LMTK2: variants seen among roughly 807,000 people sequenced by gnomAD.
LMTK2 encodes serine/threonine-protein kinase LMTK2.
In LMTK2, 37 loss-of-function variants were observed where a neutral mutation model predicts 127.5. The observed-to-expected ratio is 0.29, with a 90% confidence interval of 0.22 to 0.38. LMTK2 has a LOEUF of 0.38. LMTK2 is among the 10% of genes least tolerant of loss of function. The pLI, the probability that LMTK2 is intolerant of heterozygous loss-of-function variation, is 1.00. For missense variants in LMTK2, 1,694 were observed against 1,920.3 expected (o/e 0.88, Z 2.20); for synonymous variants, 819 against 810.1 (o/e 1.01, Z -0.19).
intron 1 of LMTK2, among the ~76,000 whole-genome samples, chr7:98,109,470 G>A (rs938648365): frequency 8.5e-5 from 13 of 152,094 alleles, no homozygotes; most frequent in African/African-American, 3.1e-4. Context: ...CAGGCCGGGA[G>A]CAGTGGATCA....
intron 1 of LMTK2, among the ~76,000 whole-genome samples, chr7:98,115,426 A>G (rs1796264744): frequency 6.6e-6 from 1 of 152,012 alleles, no homozygotes; most frequent in Non-Finnish European, 1.5e-5. Context: ...AGAGAAAAAG[A>G]AAGAAGAAAG....
In LMTK2 at chr7:98,151,414, C is replaced by T. The variant is rs767259439; in HGVS notation, c.409C>T (p.Leu137=). The T allele has an allele frequency of 1.6e-5, 26 of 1,613,732 alleles. No individual in the cohort carries two copies. Among genetic ancestry groups the T allele is most frequent in the African/African-American group, 2.7e-5 (2 of 74,908 alleles). Residue 137 remains leucine, a synonymous_variant, in exon 4 of 14, where the codon CTA becomes TTA. Transcript: ENST00000297293. The part of the protein sequence containing the change: ...GLKSQVARHS[L]NYIQEIGNGW... ...GAAGTCTCAAGTTGCCCGCCACAGT[C>T]TAAACTACATACAGGAAATTGGAAA...
intron 7 of LMTK2, among the ~76,000 whole-genome samples, chr7:98,183,161 G>A (rs1797379567): frequency 6.6e-6 from 1 of 152,156 alleles, no homozygotes; most frequent in South Asian, 2.1e-4. Context: ...CTGTCTCTTA[G>A]AGGCAAAATC....
chr7:98,148,730 T>C (rs1394326218), intron 3 of LMTK2, among the ~76,000 whole-genome samples: 1 of 152,208 alleles, frequency 6.6e-6, no homozygotes, highest in African/African-American at 2.4e-5. Flanking sequence ...AAATATTGTC[T>C]AGGTCTTTGC....
chr7:98,151,286 T>G, intron 3 of LMTK2, 96 bp from the exon 4 acceptor site: 1 of 759,046 alleles, frequency 1.3e-6, no homozygotes, highest in Non-Finnish European at 2.0e-6. Flanking sequence ...CCTACCTTTA[T>G]TTGCACAAGC....
At chr7:98,166,161 C>T (rs1326101571) in intron 6 of LMTK2, among the ~76,000 whole-genome samples, 2 of 152,252 alleles carry the variant, frequency 1.3e-5, no homozygotes, top group East Asian at 3.8e-4. Flanking sequence ...CCCTCCCCTG[C>T]ATTTCCTCCA....
intron 6 of LMTK2, among the ~76,000 whole-genome samples, chr7:98,168,249 G>A (rs1318790177): frequency 6.6e-6 from 1 of 152,198 alleles, no homozygotes; most frequent in African/African-American, 2.4e-5. Context: ...AGAGGACTGA[G>A]CTTAGAAAGG....
In LMTK2 at chr7:98,107,155, C is replaced by T. The variant is rs1248967536; in HGVS notation, c.-23C>T. On this transcript the variant is annotated 5_prime_UTR_variant, in exon 1 of 14. Coordinates refer to ENST00000297293, the MANE Select transcript of LMTK2 (RefSeq NM_014916.4). Reference sequence around the variant, plus strand: ...GACGGAAGGCGACTCGAGGGCCGGCCCCGGAGCCGCGCCGTGGGCGAGATG... The same window carrying T: ...GACGGAAGGCGACTCGAGGGCCGGCTCCGGAGCCGCGCCGTGGGCGAGATG... 5 of 1,421,694 alleles carry T rather than the reference C, an allele frequency of 3.5e-6. No individual in the cohort carries two copies. Among genetic ancestry groups the T allele is most frequent in the South Asian group, 1.4e-5 (1 of 69,512 alleles). 88.1% of individuals were successfully genotyped at this position (1,421,694 alleles called of 1,614,324 possible).
Position 98,204,102 on chromosome 7 carries a change from C to T in LMTK2, c.4399C>T (p.Pro1467Ser). 6.2e-7 allele frequency: 1 copy of T among 1,613,248 alleles called. No individual in the cohort carries two copies. The change falls in exon 13 of 14, where the codon CCT becomes TCT. Residue 1467 changes from proline to serine, a missense_variant. This residue lies in a region of LMTK2 where 554 missense variants were observed against 567.7 expected (regional missense o/e 0.98). Transcript: ENST00000297293. Reference protein sequence around the residue: ...STEQSWPHSAPYSRFSISPAN... With the variant: ...STEQSWPHSASYSRFSISPAN... The stretch of plus-strand genomic sequence containing the variant: ...GGAGCAGAGCTGGCCGCACTCGGCG[C>T]CTTACTCCCGGTTCTCCATCTCTCC...
chr7:98,153,240 C>T (rs1796881744), intron 4 of LMTK2, among the ~76,000 whole-genome samples: 1 of 151,998 alleles, frequency 6.6e-6, no homozygotes. Flanking sequence ...AGCTAGGAGA[C>T]TAGGTGAAGT....
chr7:98,170,985 C>G (rs961750123), intron 6 of LMTK2, among the ~76,000 whole-genome samples: 1 of 152,088 alleles, frequency 6.6e-6, no homozygotes, highest in Non-Finnish European at 1.5e-5. Flanking sequence ...TTCTCTTCAC[C>G]GTCTCAGGAT....
At chr7:98,141,362 CA>C in intron 2 of LMTK2, 34 bp from the exon 3 acceptor site, 1 of 1,594,642 alleles carries the variant, frequency 6.3e-7, no homozygotes, top group Non-Finnish European at 8.6e-7. Context: ...AAATGTTAGC[CA>C]ATGGTTTTTA....
chr7:98,160,787 G>T (rs1003100206), intron 6 of LMTK2, among the ~76,000 whole-genome samples: 5 of 152,154 alleles, frequency 3.3e-5, no homozygotes, highest in African/African-American at 1.2e-4. Flanking sequence ...ATGTAGGCAT[G>T]AACATTTAAG....
At chr7:98,203,091 C>A (rs903812501) in intron 11 of LMTK2, among the ~76,000 whole-genome samples, 8 of 152,194 alleles carry the variant, frequency 5.3e-5, no homozygotes, top group Non-Finnish European at 1.2e-4. Flanking sequence ...GACTGGAGAG[C>A]AAGAGAACAG....
intron 1 of LMTK2, among the ~76,000 whole-genome samples, chr7:98,135,187 A>G (rs1220179794): frequency 6.6e-6 from 1 of 152,222 alleles, no homozygotes; most frequent in African/African-American, 2.4e-5. Flanking sequence ...AGTTTGGGTT[A>G]GTTTTTCCTC....
chr7:98,135,015 A>G (rs1443221457), intron 1 of LMTK2, among the ~76,000 whole-genome samples: 1 of 152,236 alleles, frequency 6.6e-6, no homozygotes, highest in Non-Finnish European at 1.5e-5. Context: ...ATTCTTAAGC[A>G]CAGACTGAGC....
At chr7:98,111,693 G>T (rs2116314252) in intron 1 of LMTK2, among the ~76,000 whole-genome samples, 1 of 152,292 alleles carries the variant, frequency 6.6e-6, no homozygotes, top group Admixed American at 6.5e-5. Flanking sequence ...TTGTAAATTT[G>T]GTTATCATCA....
At position 98,152,227 on chromosome 7, in the gene LMTK2, G is replaced by T. The variant is rs571239197; in HGVS notation, c.450+772G>T. Among the ~76,000 whole-genome samples the T allele has an allele frequency of 4.6e-5, 7 of 152,204 alleles. No individual in the cohort carries two copies. In the South Asian group the frequency reaches 1.0e-3, roughly 23 times the overall value. On this transcript the variant is annotated intron_variant, in intron 4 of 13. Coordinates refer to ENST00000297293, the MANE Select transcript of LMTK2 (RefSeq NM_014916.4). ...TGGCCTGTAGTAACAATGCTTTGTTGATTTTTTTATCGTAGATGGCTCAGA... is the reference window on the plus strand; with the variant it reads ...TGGCCTGTAGTAACAATGCTTTGTTTATTTTTTTATCGTAGATGGCTCAGA...
At chr7:98,140,767 A>T (rs1051598972) in intron 2 of LMTK2, among the ~76,000 whole-genome samples, 1 of 152,160 alleles carries the variant, frequency 6.6e-6, no homozygotes, top group African/African-American at 2.4e-5. Flanking sequence ...TAATAATATT[A>T]AAAGAATTGC....
Sources: allele counts gnomAD v4.1 joint callset (sites outside exome capture counted in the v4.1 genomes callset), GRCh38; gene constraint gnomAD v4.1.1; regional missense constraint gnomAD v4.1.1; transcripts MANE v1.5; gene names NCBI Gene and HGNC (gene_info 2026-07-23, HGNC 2026-07-21).